CDK14: variants seen among roughly 807,000 people sequenced by gnomAD.
CDK14 encodes cyclin-dependent kinase 14.
Under a neutral mutation model 60.7 loss-of-function variants are expected in CDK14, and 34 were observed. The ratio of observed to expected loss-of-function variants is 0.56; its 90% CI spans 0.43 to 0.75. The LOEUF (loss-of-function observed/expected upper bound fraction) is 0.75. Ranked by LOEUF, CDK14 falls within the 30% of genes least tolerant of loss-of-function variation. The pLI is 0.00. For missense variants in CDK14, 482 were observed against 564.1 expected (o/e 0.85, Z 1.47); for synonymous variants, 197 against 203.7 (o/e 0.97, Z 0.28).
At chr7:90,769,401 G>A (rs1584873330) in intron 4 of CDK14, among the ~76,000 whole-genome samples, 1 of 151,652 alleles carries the variant, frequency 6.6e-6, no homozygotes, top group African/African-American at 2.4e-5. Flanking sequence ...ATTAGTGACT[G>A]TAAGGATTGA....
At chr7:90,597,083 A>G (rs951942492) in intron 1 of CDK14, 7 of 232,548 alleles carry the variant, frequency 3.0e-5, no homozygotes, top group Non-Finnish European at 2.5e-5. Flanking sequence ...TTTTGCGCAC[A>G]GGCTTGGATA....
chr7:91,173,111 G>C (rs139074911), intron 14 of CDK14, among the ~76,000 whole-genome samples: 2 of 152,210 alleles, frequency 1.3e-5, no homozygotes, highest in South Asian at 2.1e-4. Context: ...GAATTGTCTT[G>C]AGCTGTGCAA....
intron 5 of CDK14, among the ~76,000 whole-genome samples, chr7:90,832,556 G>C (rs1024925518): frequency 2.0e-5 from 3 of 151,844 alleles, no homozygotes; most frequent in African/African-American, 7.3e-5. Flanking sequence ...AAAGAAGATA[G>C]GTATGTTTAA....
chr7:91,075,654 A>C (rs148372214), intron 11 of CDK14, among the ~76,000 whole-genome samples: 1 of 152,200 alleles, frequency 6.6e-6, no homozygotes, highest in Non-Finnish European at 1.5e-5. Context: ...AGGATATTCA[A>C]ATAGGAAGAG....
In CDK14 at chr7:90,626,575, C is replaced by T. The variant is rs17869723; in HGVS notation, c.123+22326C>T. Among the ~76,000 whole-genome samples, 301 of 152,286 alleles carry T rather than the reference C, an allele frequency of 2.0e-3. 3 individuals are homozygous for T. Among genetic ancestry groups the T allele is most frequent in the Non-Finnish European group, 3.1e-3 (208 of 68,034 alleles). ...GCATGTATAATTCTAATGAGCTTCTCGACCAGCACTGTTCAATAGATACAT... is the reference window on the plus strand; with the variant it reads ...GCATGTATAATTCTAATGAGCTTCTTGACCAGCACTGTTCAATAGATACAT... On this transcript the variant is annotated intron_variant, in intron 2 of 14. Transcript: ENST00000380050.
At chr7:90,961,153 T>C (rs911354030) in intron 9 of CDK14, among the ~76,000 whole-genome samples, 34 of 152,170 alleles carry the variant, frequency 2.2e-4, no homozygotes, top group Admixed American at 7.9e-4. Context: ...AAATTTGGTC[T>C]TTATTTTACC....
At chr7:91,026,953 T>C (rs1796589550) in intron 10 of CDK14, among the ~76,000 whole-genome samples, 1 of 152,200 alleles carries the variant, frequency 6.6e-6, no homozygotes, top group Non-Finnish European at 1.5e-5. Context: ...CCCCTCTTTG[T>C]TTCCTTGGTA....
intron 2 of CDK14, among the ~76,000 whole-genome samples, chr7:90,621,469 A>G (rs1253903417): frequency 6.6e-6 from 1 of 152,242 alleles, no homozygotes; most frequent in African/African-American, 2.4e-5. Flanking sequence ...GGGCAGAGAC[A>G]GCATTTCTAC....
At chr7:90,814,639 A>G (rs1246026697) in intron 5 of CDK14, among the ~76,000 whole-genome samples, 1 of 152,024 alleles carries the variant, frequency 6.6e-6, no homozygotes, top group African/African-American at 2.4e-5. Flanking sequence ...AAAATTAGCC[A>G]GGCGTGGTGG....
chr7:91,118,414 T>G (rs1799678675), intron 14 of CDK14, among the ~76,000 whole-genome samples: 1 of 152,190 alleles, frequency 6.6e-6, no homozygotes, highest in South Asian at 2.1e-4. Context: ...AAAATTATAC[T>G]TATGCTTTTA....
intron 11 of CDK14, among the ~76,000 whole-genome samples, chr7:91,065,874 A>G (rs1305455752): frequency 6.6e-6 from 1 of 152,216 alleles, no homozygotes; most frequent in African/African-American, 2.4e-5. Context: ...TATTTGTAAC[A>G]TAAACAAATA....
intron 10 of CDK14, among the ~76,000 whole-genome samples, chr7:91,001,712 A>C (rs1303620240): frequency 6.6e-6 from 1 of 152,228 alleles, no homozygotes. Flanking sequence ...TAATTTGCGT[A>C]TGTATCTCCT....
intron 14 of CDK14, among the ~76,000 whole-genome samples, chr7:91,148,863 G>C (rs978302202): frequency 6.6e-6 from 1 of 152,088 alleles, no homozygotes; most frequent in Admixed American, 6.5e-5. Context: ...CCTACTGCCT[G>C]TAAGGGGCTG....
intron 2 of CDK14, among the ~76,000 whole-genome samples, chr7:90,656,975 C>G (rs1206747223): frequency 6.6e-6 from 1 of 152,156 alleles, no homozygotes; most frequent in Middle Eastern, 3.2e-3. Context: ...ATGCCTCTCT[C>G]TGCTGACACC....
intron 2 of CDK14, among the ~76,000 whole-genome samples, chr7:90,679,426 TA>T (rs1284870553): frequency 6.6e-6 from 1 of 152,238 alleles, no homozygotes; most frequent in African/African-American, 2.4e-5. Flanking sequence ...TGTTTGATAA[TA>T]ATATTAATGA....
intron 2 of CDK14, among the ~76,000 whole-genome samples, chr7:90,696,370 T>G (rs1482119219): frequency 1.4e-5 from 2 of 139,236 alleles, no homozygotes; most frequent in South Asian, 2.3e-4. Context: ...AGACAGAGAC[T>G]GGCTCTGTTG....
intron 14 of CDK14, among the ~76,000 whole-genome samples, chr7:91,188,182 A>ATT (rs200585869): frequency 1.3e-5 from 2 of 151,516 alleles, no homozygotes; most frequent in African/African-American, 2.4e-5. Context: ...TGTGTGATTC[A>ATT]TTTTTTTTTA....
intron 14 of CDK14, among the ~76,000 whole-genome samples, chr7:91,147,216 A>T (rs1342500643): frequency 6.9e-6 from 1 of 145,158 alleles, no homozygotes; most frequent in Non-Finnish European, 1.5e-5. Context: ...ACTTCTTCCC[A>T]TGGTTTTAGG....
In CDK14 at chr7:90,735,404, C is replaced by T. The variant is rs115001785; in HGVS notation, c.369+8592C>T. On this transcript the variant is annotated intron_variant, in intron 3 of 14. Transcript: ENST00000380050. ...GGATGTTTAAGTTCTGCTGAAGCTG[C>T]GCCCACAGCCGCCCCTTTCCCCCGT... is the stretch of plus-strand genomic sequence containing the variant. Among the ~76,000 whole-genome samples the T allele has an allele frequency of 6.2e-3, 948 of 152,320 alleles. 17 individuals carry two copies. The highest frequency in any genetic ancestry group is 0.021 in the African/African-American group (891 of 41,584).
Sources: gnomAD v4.1 joint callset for allele counts (sites outside exome capture counted in the v4.1 genomes callset) on GRCh38, gnomAD v4.1.1 for gene constraint, MANE v1.5 for transcripts, NCBI Gene and HGNC (gene_info 2026-07-23, HGNC 2026-07-21) for gene names.